Variants in SMOX observed in about 807,000 individuals in gnomAD.
SMOX encodes the protein flavin containing amine oxidase.
Under a neutral mutation model 51.0 loss-of-function variants are expected in SMOX, and 22 were observed. That is an observed-to-expected ratio of 0.43 (90% CI 0.31 to 0.62). The LOEUF (loss-of-function observed/expected upper bound fraction) is 0.62, where lower values mean the gene tolerates loss of function less well. Among genes scored for constraint, SMOX ranks in the 20% least tolerant of loss-of-function variants. SMOX has a pLI of 0.10. For synonymous variants in SMOX, 282 were observed against 307.8 expected (o/e 0.92, Z 0.88); for missense variants, 566 against 777.7 (o/e 0.73, Z 3.24).
At chr20:4,176,980 G>A (rs1978906770) in intron 2 of SMOX, among the ~76,000 whole-genome samples, 1 of 152,192 alleles carries the variant, frequency 6.6e-6, no homozygotes, top group Non-Finnish European at 1.5e-5. Context: ...AAAAGGCCAG[G>A]TGGGGACCCT....
intron 1 of SMOX, among the ~76,000 whole-genome samples, chr20:4,159,529 T>C (rs1022677078): frequency 2.0e-5 from 3 of 152,226 alleles, no homozygotes; most frequent in African/African-American, 7.2e-5. Flanking sequence ...TTGCCTCCTC[T>C]GTACTATGGG....
In SMOX at chr20:4,183,057, C is replaced by G. The variant is rs1031629116; in HGVS notation, c.1369+209C>G. Reference sequence around the variant, plus strand: ...CTTGACACACTCAGAATTATGGGCGCTGTGTCTCTTCCCCCTTTCTAAAGG... The same window carrying G: ...CTTGACACACTCAGAATTATGGGCGGTGTGTCTCTTCCCCCTTTCTAAAGG... On this transcript the variant is annotated intron_variant, in intron 5 of 6. Coordinates refer to ENST00000305958, the MANE Select transcript of SMOX (RefSeq NM_175839.3). The surrounding 1 kb of genome is among the most constrained non-coding windows in gnomAD (Gnocchi z 4.3). 6.6e-6 allele frequency among the ~76,000 whole-genome samples: 1 copy of G among 152,224 alleles called. No individual in the cohort carries two copies. Among genetic ancestry groups the G allele is most frequent in the African/African-American group, 2.4e-5 (1 of 41,446 alleles).
In SMOX at chr20:4,181,676, G is replaced by T; in HGVS notation, c.436-127G>T. The T allele has an allele frequency of 8.6e-7, 1 of 1,158,894 alleles. No homozygotes were observed. Among genetic ancestry groups the T allele is most frequent in the Non-Finnish European group, 1.2e-6 (1 of 816,392 alleles). 71.8% of individuals were successfully genotyped at this position (1,158,894 alleles called of 1,614,324 possible). On this transcript the variant is annotated intron_variant, in intron 3 of 6. Coordinates refer to ENST00000305958, the MANE Select transcript of SMOX (RefSeq NM_175839.3). This position sits in a 1 kb window ranked among gnomAD's most constrained non-coding sequence, Gnocchi z 5.6. ...ATTGAGTGCAACATCGGATCCCTAA[G>T]GGACAGAGACCAGGGGCTCAGTGCA... is the stretch of plus-strand genomic sequence containing the variant.
intron 1 of SMOX, among the ~76,000 whole-genome samples, chr20:4,174,180 A>G (rs1373445677): frequency 2.0e-5 from 3 of 152,190 alleles, no homozygotes; most frequent in African/African-American, 4.8e-5. Context: ...CCAAATTGCC[A>G]CTTCGGTGAG....
At chr20:4,175,412 G>A (rs1465893436) in intron 2 of SMOX, 149 bp downstream of exon 2, 11 of 930,268 alleles carry the variant, frequency 1.2e-5, no homozygotes, top group Non-Finnish European at 1.3e-5. Flanking sequence ...AGCTTCCTTC[G>A]CTCCTCGTGG....
chr20:4,158,577 C>T (rs1037259171), intron 1 of SMOX, among the ~76,000 whole-genome samples: 4 of 152,094 alleles, frequency 2.6e-5, no homozygotes, highest in African/African-American at 9.7e-5. Flanking sequence ...AAGTGAGTTG[C>T]AATTTATTAG....
rs1207136377 is a variant in SMOX at position 4,166,199 on chromosome 20, A to G, written c.-26-8831A>G. On this transcript the variant is annotated intron_variant, in intron 1 of 6. Coordinates refer to ENST00000305958, the MANE Select transcript of SMOX (RefSeq NM_175839.3). This position sits in a 1 kb window ranked among gnomAD's most constrained non-coding sequence, Gnocchi z 4.2. ...CTAATTTTTGCTGAAGGTGGGACCT[A>G]TAGGGTGAGGCTTGGGATGAAGCTG... Among the ~76,000 whole-genome samples the G allele has an allele frequency of 1.3e-5, 2 of 151,154 alleles. No homozygotes were observed. The highest frequency in any genetic ancestry group is 1.5e-5 in the Non-Finnish European group (1 of 67,628).
intron 1 of SMOX, among the ~76,000 whole-genome samples, chr20:4,151,396 G>T (rs917404592): frequency 1.3e-5 from 2 of 152,050 alleles, no homozygotes; most frequent in Admixed American, 6.6e-5. Flanking sequence ...TCTAAAATTC[G>T]TGATAGCTCT....
At chr20:4,159,874 A>G (rs750637167) in intron 1 of SMOX, among the ~76,000 whole-genome samples, 1 of 152,136 alleles carries the variant, frequency 6.6e-6, no homozygotes, top group Non-Finnish European at 1.5e-5. Context: ...ACTGTGCTTC[A>G]TGGTTGAATT....
At chr20:4,174,031 C>T (rs1348727611) in intron 1 of SMOX, among the ~76,000 whole-genome samples, 1 of 152,256 alleles carries the variant, frequency 6.6e-6, no homozygotes, top group Non-Finnish European at 1.5e-5. Context: ...TCTTGGTCCA[C>T]TGTTTCCTGG....
chr20:4,179,432 C>T (rs371366685), intron 3 of SMOX, among the ~76,000 whole-genome samples: 27 of 152,078 alleles, frequency 1.8e-4, no homozygotes, highest in African/African-American at 5.3e-4. Context: ...AAGGATAAGG[C>T]GTAACCCTGA....
At chr20:4,150,221 C>G (rs969910059) in intron 1 of SMOX, among the ~76,000 whole-genome samples, 5 of 152,194 alleles carry the variant, frequency 3.3e-5, no homozygotes, top group Non-Finnish European at 1.5e-5. Context: ...TTCTTCCCTT[C>G]ACAGCAAAAC....
At chr20:4,152,841 A>C (rs2122361835) in intron 1 of SMOX, among the ~76,000 whole-genome samples, 1 of 152,356 alleles carries the variant, frequency 6.6e-6, no homozygotes, top group African/African-American at 2.4e-5. Context: ...TAGTGACAGA[A>C]TGAGGATTGA....
intron 1 of SMOX, among the ~76,000 whole-genome samples, chr20:4,155,168 G>C (rs921864968): frequency 1.3e-5 from 2 of 152,144 alleles, no homozygotes; most frequent in African/African-American, 2.4e-5. Flanking sequence ...CTCCAGCCAG[G>C]GCGGGGCCGA....
chr20:4,168,119 A>AGGGGGGGGGG (rs1986648702), intron 1 of SMOX, among the ~76,000 whole-genome samples: 1 of 127,232 alleles, frequency 7.9e-6, no homozygotes, highest in African/African-American at 2.8e-5. Flanking sequence ...AGAGCGGGGT[A>AGGGGGGGGGG]GGGGTGGGGG....
At chr20:4,161,317 C>G (rs1032731947) in intron 1 of SMOX, among the ~76,000 whole-genome samples, 52 of 152,224 alleles carry the variant, frequency 3.4e-4, no homozygotes, top group African/African-American at 1.2e-3. Context: ...TGTGCCTGGC[C>G]CTGTGATGGC....
rs1453325563 is a variant in SMOX at position 4,149,801 on chromosome 20, C to T, written c.-27+824C>T. ...GGTGCCCACAGGTTGTTTGCAGAAC[C>T]TGCTGTTGGTGGCACATCACGTACC... On this transcript the variant is annotated intron_variant, in intron 1 of 6. Transcript: ENST00000305958. The surrounding 1 kb of genome is among the most constrained non-coding windows in gnomAD (Gnocchi z 6.0). Among the ~76,000 whole-genome samples the T allele has an allele frequency of 6.6e-6, 1 of 152,212 alleles. No homozygotes were observed. The highest frequency in any genetic ancestry group is 6.5e-5 in the Admixed American group (1 of 15,290).
intron 2 of SMOX, among the ~76,000 whole-genome samples, chr20:4,176,425 C>T (rs6084653): frequency 2.6e-5 from 4 of 152,024 alleles, no homozygotes; most frequent in Non-Finnish European, 4.4e-5. Context: ...GGCAAAGTCA[C>T]GTTGCAAAGG....
Position 4,181,677 on chromosome 20 carries a change from G to T in SMOX, c.436-126G>T. 1 of 1,169,138 alleles carries T rather than the reference G, an allele frequency of 8.6e-7. No homozygotes were observed. The highest frequency in any genetic ancestry group is 1.2e-6 in the Non-Finnish European group (1 of 823,990). 72.4% of individuals were successfully genotyped at this position (1,169,138 alleles called of 1,614,324 possible). A position where few individuals can be genotyped will look rare whatever the true frequency, so the allele number is the denominator to read the frequency against. ...TTGAGTGCAACATCGGATCCCTAAG[G>T]GACAGAGACCAGGGGCTCAGTGCAT... On this transcript the variant is annotated intron_variant, in intron 3 of 6. Coordinates refer to ENST00000305958, the MANE Select transcript of SMOX (RefSeq NM_175839.3). This position sits in a 1 kb window ranked among gnomAD's most constrained non-coding sequence, Gnocchi z 5.6.
Sources: gnomAD v4.1 joint callset for allele counts (sites outside exome capture counted in the v4.1 genomes callset) on GRCh38, gnomAD v4.1.1 for gene constraint, Gnocchi (gnomAD v3.1) non-coding constraint, MANE v1.5 for transcripts, NCBI Gene and HGNC (gene_info 2026-07-23, HGNC 2026-07-21) for gene names.